The following IGF1R variants were observed in gnomAD, a reference collection of about 807,000 sequenced individuals.
IGF1R encodes the protein insulin like growth factor 1 receptor, also known as insulin-like growth factor 1 receptor.
Under a neutral mutation model 144.6 loss-of-function variants are expected in IGF1R, and 44 were observed. That is an observed-to-expected ratio of 0.30 (90% CI 0.24 to 0.39). The LOEUF (loss-of-function observed/expected upper bound fraction) is 0.39. Among genes scored for constraint, IGF1R ranks in the 10% least tolerant of loss-of-function variants. IGF1R has a pLI of 1.00. For synonymous variants in IGF1R, 795 were observed against 722.8 expected, an observed-to-expected ratio of 1.10 and a Z score of -1.60; for missense variants, 1,355 against 1,833.7, an observed-to-expected ratio of 0.74 and a Z score of 4.77.
intron 1 of IGF1R, chr15:98,650,882 TGG>T: frequency 3.1e-6 from 3 of 982,724 alleles, no homozygotes; most frequent in Non-Finnish European, 3.6e-6. Flanking sequence ...TGGTGTCGGG[TGG>T]GGGTTAGTAG....
chr15:98,938,255 G>A (rs1414330345), intron 17 of IGF1R, among the ~76,000 whole-genome samples: 2 of 152,178 alleles, frequency 1.3e-5, no homozygotes, highest in African/African-American at 4.8e-5. Flanking sequence ...GCTGGTGGCC[G>A]GCCTGCAAGT....
chr15:98,706,740 C>T lies in IGF1R; in HGVS notation c.95-822C>T, dbSNP rs181854555. Among the ~76,000 whole-genome samples, 42 of 152,062 alleles carry T rather than the reference C, an allele frequency of 2.8e-4. 1 individual carries two copies. The highest frequency in any genetic ancestry group is 2.5e-3 in the Admixed American group (38 of 15,274). ...TGTCATTTTTGTCTGATTTCACTTA[C>T]CTTCATTTATAGAGAGTGGATAATT... is the stretch of plus-strand genomic sequence containing the variant. On this transcript the variant is annotated intron_variant, in intron 1 of 20. Transcript: ENST00000650285.
chr15:98,899,980 C>T lies in IGF1R; in HGVS notation c.1247+359C>T, dbSNP rs149985889. Among the ~76,000 whole-genome samples, 260 of 152,226 alleles carry T rather than the reference C, an allele frequency of 1.7e-3. 1 individual carries two copies. Among genetic ancestry groups the T allele is most frequent in the Non-Finnish European group, 2.6e-3 (180 of 68,022 alleles). On this transcript the variant is annotated intron_variant, in intron 5 of 20. Transcript: ENST00000650285. ...CTCACCTCCCTGTGAAATCATTGTT[C>T]GCGCGACCCTCATCTGCCTCAGGAT... is the stretch of plus-strand genomic sequence containing the variant.
intron 10 of IGF1R, among the ~76,000 whole-genome samples, chr15:98,920,578 G>A (rs2015442336): frequency 6.6e-6 from 1 of 152,234 alleles, no homozygotes; most frequent in African/African-American, 2.4e-5. Flanking sequence ...GACAGTAAAT[G>A]TGGTTTCTTG....
At chr15:98,923,080 G>A (rs150983340) in intron 11 of IGF1R, among the ~76,000 whole-genome samples, 23 of 152,306 alleles carry the variant, frequency 1.5e-4, no homozygotes, top group African/African-American at 2.4e-4. Flanking sequence ...CCATTGTAGC[G>A]TGCCTTGAGG....
intron 1 of IGF1R, among the ~76,000 whole-genome samples, chr15:98,678,223 T>C (rs949482850): frequency 5.9e-5 from 9 of 152,216 alleles, no homozygotes; most frequent in African/African-American, 1.7e-4. Flanking sequence ...AAACTATTTT[T>C]GGTTGCGGTG....
At chr15:98,791,816 GT>G (rs1474169724) in intron 2 of IGF1R, among the ~76,000 whole-genome samples, 1 of 152,226 alleles carries the variant, frequency 6.6e-6, no homozygotes, top group Non-Finnish European at 1.5e-5. Flanking sequence ...AAGGTAGCAT[GT>G]TTAACGTTCC....
At chr15:98,656,282 G>A (rs1199336871) in intron 1 of IGF1R, among the ~76,000 whole-genome samples, 1 of 152,194 alleles carries the variant, frequency 6.6e-6, no homozygotes, top group East Asian at 1.9e-4. Context: ...GGGCACAGCG[G>A]CTCCTGCCTG....
chr15:98,964,094 A>G lies in IGF1R; in HGVS notation c.*6652A>G, dbSNP rs1306170370. 3 of 233,240 alleles carry G rather than the reference A, an allele frequency of 1.3e-5. No individual in the cohort carries two copies. Among genetic ancestry groups the G allele is most frequent in the African/African-American group, 4.4e-5 (2 of 45,340 alleles). The allele number at this position is 233,240 out of a possible 1,614,324, so 14.4% of individuals were successfully genotyped here. A position where few individuals can be genotyped will look rare whatever the true frequency, so the allele number is the denominator to read the frequency against. The stretch of plus-strand genomic sequence containing the variant: ...GTGAGGTTGAGGTGAGAGGTTTGCC[A>G]GAGTTTGTCTACCTCTGGGTATCCC... On this transcript the variant is annotated 3_prime_UTR_variant, in exon 21 of 21. Transcript: ENST00000650285.
rs148845584 is a variant in IGF1R at position 98,869,959 on chromosome 15, A to G, written c.641-21366A>G. ...GAATGGTGTCCCGCAAGGAGCTTAC[A>G]ATGTGTGCATTACAAGTATATACTG... On this transcript the variant is annotated intron_variant, in intron 2 of 20. Coordinates refer to ENST00000650285, the MANE Select transcript of IGF1R (RefSeq NM_000875.5). Among the ~76,000 whole-genome samples, 1,486 of 152,274 alleles carry G rather than the reference A, an allele frequency of 9.8e-3. 8 individuals carry two copies. Among genetic ancestry groups the G allele is most frequent in the Non-Finnish European group, 0.016 (1,074 of 68,026 alleles).
At chr15:98,665,977 T>C (rs1239217161) in intron 1 of IGF1R, among the ~76,000 whole-genome samples, 8 of 152,246 alleles carry the variant, frequency 5.3e-5, no homozygotes, top group African/African-American at 7.2e-5. Context: ...CAAAAGTGTT[T>C]TGAGCCCAGA....
chr15:98,917,211 G>A (rs1287393299), intron 10 of IGF1R, among the ~76,000 whole-genome samples: 1 of 152,192 alleles, frequency 6.6e-6, no homozygotes, highest in Non-Finnish European at 1.5e-5. Flanking sequence ...CTGCTGCCTG[G>A]TGAGAGGAAA....
At chr15:98,669,097 C>T (rs1430979938) in intron 1 of IGF1R, among the ~76,000 whole-genome samples, 4 of 152,160 alleles carry the variant, frequency 2.6e-5, no homozygotes, top group Admixed American at 6.5e-5. Context: ...ACTGTAAAAT[C>T]AGTATCGATC....
intron 2 of IGF1R, among the ~76,000 whole-genome samples, chr15:98,824,972 G>A (rs982941605): frequency 2.0e-5 from 3 of 152,078 alleles, no homozygotes; most frequent in Admixed American, 1.3e-4. Context: ...TAGTAGCTGG[G>A]ATTACAGGCA....
chr15:98,948,366 T>C (rs918921203), intron 19 of IGF1R, among the ~76,000 whole-genome samples: 2 of 152,176 alleles, frequency 1.3e-5, no homozygotes, highest in Non-Finnish European at 2.9e-5. Flanking sequence ...CCACCGGGGC[T>C]GAATTTAGTT....
chr15:98,704,065 GA>G lies in IGF1R; in HGVS notation c.95-3491del, dbSNP rs113232785. ...CACAGTTAATTTAGTGTCCCCAGGG[GA>G]AAAAAGACCCTCCCGGCCCCCTTCA... On this transcript the variant is annotated intron_variant, in intron 1 of 20. Coordinates refer to ENST00000650285, the MANE Select transcript of IGF1R (RefSeq NM_000875.5). The surrounding 1 kb of genome is among the most constrained non-coding windows in gnomAD (Gnocchi z 4.9). Among the ~76,000 whole-genome samples the G allele has an allele frequency of 0.015, 2,239 of 151,982 alleles. 22 individuals are homozygous for G. Among genetic ancestry groups the G allele is most frequent in the African/African-American group, 0.018 (738 of 41,412 alleles).
rs147485795 is a variant in IGF1R at position 98,689,167 on chromosome 15, T to G, written c.95-18395T>G. On this transcript the variant is annotated intron_variant, in intron 1 of 20. Transcript: ENST00000650285. The stretch of plus-strand genomic sequence containing the variant: ...ACTCTAGATATCTTGCAGATTTTTT[T>G]TGGTTGCTTGGTTGGTTGGTTTTTG... Among the ~76,000 whole-genome samples, 524 of 152,262 alleles carry G rather than the reference T, an allele frequency of 3.4e-3. 3 individuals carry two copies. Among genetic ancestry groups the G allele is most frequent in the African/African-American group, 0.012 (507 of 41,550 alleles).
In IGF1R at chr15:98,692,110, C is replaced by T. The variant is rs182612481; in HGVS notation, c.95-15452C>T. Among the ~76,000 whole-genome samples the T allele has an allele frequency of 7.7e-3, 1,169 of 152,068 alleles. 6 individuals are homozygous for T. The highest frequency in any genetic ancestry group is 8.9e-3 in the Non-Finnish European group (608 of 67,982). On this transcript the variant is annotated intron_variant, in intron 1 of 20. Coordinates refer to ENST00000650285, the MANE Select transcript of IGF1R (RefSeq NM_000875.5). ...CAGCACTTTGGGAGTCCGAGGCGGG[C>T]AGATCACTTGAGCTCAGGAGTTCAA...
chr15:98,679,724 A>G (rs1424224365), intron 1 of IGF1R, among the ~76,000 whole-genome samples: 1 of 152,182 alleles, frequency 6.6e-6, no homozygotes. Context: ...ATTAAACACA[A>G]AATTAATTGT....
Sources: allele counts gnomAD v4.1 joint callset (sites outside exome capture counted in the v4.1 genomes callset), GRCh38; gene constraint gnomAD v4.1.1; non-coding constraint Gnocchi (gnomAD v3.1); transcripts MANE v1.5; gene names NCBI Gene and HGNC (gene_info 2026-07-23, HGNC 2026-07-21).